The following PERP variants were observed in gnomAD, a reference collection of about 807,000 sequenced individuals.
PERP encodes the protein p53 apoptosis effector related to PMP22, also known as p53 apoptosis effector related to PMP-22.
In PERP, 11 loss-of-function variants were observed where a neutral mutation model predicts 20.3. The observed-to-expected ratio is 0.54, with a 90% CI of 0.34 to 0.90. The LOEUF is 0.90. Ranked by LOEUF, PERP falls within the 40% of genes least tolerant of loss-of-function variation. The pLI is 0.02. For synonymous variants in PERP, 101 were observed against 102.0 expected, an observed-to-expected ratio of 0.99 and a Z score of 0.06; for missense variants, 224 against 249.4, an observed-to-expected ratio of 0.90 and a Z score of 0.69.
At chr6:138,101,385 T>A (rs990067394) in intron 1 of PERP, among the ~76,000 whole-genome samples, 2 of 152,194 alleles carry the variant, frequency 1.3e-5, no homozygotes, top group Non-Finnish European at 2.9e-5. Flanking sequence ...AAAGTCAAGC[T>A]AGAAATGATA....
At chr6:138,106,502 T>C (rs1050514343) in intron 1 of PERP, among the ~76,000 whole-genome samples, 13 of 152,120 alleles carry the variant, frequency 8.5e-5, no homozygotes, top group African/African-American at 3.1e-4. Context: ...TCAAATCGGA[T>C]TAAAATAATT....
rs2114323070 is a variant in PERP at position 138,089,235 on chromosome 6, T to C, written c.*2807A>G. 6.6e-6 allele frequency: 1 copy of C among 151,440 alleles called. No individual in the cohort carries two copies. 9.4% of individuals were successfully genotyped at this position (151,440 alleles called of 1,614,324 possible). A position where few individuals can be genotyped will look rare whatever the true frequency, so the allele number is the denominator to read the frequency against. On this transcript the variant is annotated 3_prime_UTR_variant, in exon 3 of 3. Coordinates refer to ENST00000421351, the MANE Select transcript of PERP (RefSeq NM_022121.5). ...ATAAAAACAAGTCAGTGTTCACATT[T>C]ACTGTATTAATAGGAATGTCTTTCA...
In PERP at chr6:138,107,070, G is replaced by C. The variant is rs2114349161; in HGVS notation, c.214+57C>G. 1 of 1,524,658 alleles carries C rather than the reference G, an allele frequency of 6.6e-7. No individual in the cohort carries two copies. The highest frequency in any genetic ancestry group is 2.3e-5 in the East Asian group (1 of 43,810). The allele number at this position is 1,524,658 out of a possible 1,614,324, so 94.4% of individuals were successfully genotyped here. A position where few individuals can be genotyped will look rare whatever the true frequency, so the allele number is the denominator to read the frequency against. On this transcript the variant is annotated intron_variant, in intron 1 of 2. Coordinates refer to ENST00000421351, the MANE Select transcript of PERP (RefSeq NM_022121.5). This position sits in a 1 kb window ranked among gnomAD's most constrained non-coding sequence, Gnocchi z 4.8. ...CCCATCACGCGCGGCGGCTTTTGCA[G>C]GCCGCGGCCCCGAGGGCTTCCTGGA...
intron 2 of PERP, among the ~76,000 whole-genome samples, chr6:138,095,820 T>A (rs1007043897): frequency 1.4e-4 from 22 of 152,196 alleles, no homozygotes; most frequent in African/African-American, 5.3e-4. Context: ...TCACATCACC[T>A]GTGTCTGGAC....
intron 1 of PERP, among the ~76,000 whole-genome samples, chr6:138,103,374 A>G (rs1019510375): frequency 2.0e-5 from 3 of 151,808 alleles, no homozygotes; most frequent in Non-Finnish European, 1.5e-5. Flanking sequence ...CTGGTTTCAA[A>G]CTCCTGACCT....
In PERP at chr6:138,107,419, T is replaced by C. The variant is rs1464133895; in HGVS notation, c.-79A>G. 1 of 1,190,278 alleles carries C rather than the reference T, an allele frequency of 8.4e-7. No homozygotes were observed. Among genetic ancestry groups the C allele is most frequent in the Non-Finnish European group, 1.1e-6 (1 of 928,340 alleles). The allele number at this position is 1,190,278 out of a possible 1,614,324, so 73.7% of individuals were successfully genotyped here. On this transcript the variant is annotated 5_prime_UTR_variant, in exon 1 of 3. Coordinates refer to ENST00000421351, the MANE Select transcript of PERP (RefSeq NM_022121.5). This position sits in a 1 kb window ranked among gnomAD's most constrained non-coding sequence, Gnocchi z 4.8. The stretch of plus-strand genomic sequence containing the variant: ...GCGCGGGACGGGCGACAGCAGAGAG[T>C]GGCCTGCGAGCGCGGGCGCCGCCAC...
At chr6:138,101,024 G>C (rs1775763107) in intron 1 of PERP, among the ~76,000 whole-genome samples, 1 of 152,102 alleles carries the variant, frequency 6.6e-6, no homozygotes, top group Admixed American at 6.5e-5. Flanking sequence ...TACAAGGCTA[G>C]TAAGATCAAC....
At chr6:138,105,009 G>A (rs999704809) in intron 1 of PERP, among the ~76,000 whole-genome samples, 2 of 152,162 alleles carry the variant, frequency 1.3e-5, no homozygotes, top group African/African-American at 4.8e-5. Context: ...CGTATAATAA[G>A]CACTTAAACT....
Position 138,096,463 on chromosome 6 carries a change from G to C in PERP, c.246C>G (p.Phe82Leu). The C allele has an allele frequency of 3.1e-6, 5 of 1,613,654 alleles. No homozygotes were observed. The highest frequency in any genetic ancestry group is 4.2e-6 in the Non-Finnish European group (5 of 1,179,876). Residue 82 changes from phenylalanine to leucine, a missense_variant, in exon 2 of 3, where the codon TTC (phenylalanine) becomes TTG (leucine). Coordinates refer to ENST00000421351, the MANE Select transcript of PERP (RefSeq NM_022121.5). ...AWGRAAAAML[F>L]CGFIILVICF... is the part of the protein sequence containing the mutation. Reference sequence around the variant, plus strand: ...AGATCACCAGGATGATGAAGCCACAGAAGAGCATGGCAGCCGCTGCTCTAC... The same window carrying C: ...AGATCACCAGGATGATGAAGCCACACAAGAGCATGGCAGCCGCTGCTCTAC...
intron 1 of PERP, among the ~76,000 whole-genome samples, chr6:138,104,205 A>T (rs1775812933): frequency 6.6e-6 from 1 of 152,240 alleles, no homozygotes; most frequent in African/African-American, 2.4e-5. Flanking sequence ...CATGCATTTA[A>T]ATTTCACATT....
At chr6:138,095,761 T>C (rs931697524) in intron 2 of PERP, among the ~76,000 whole-genome samples, 3 of 152,154 alleles carry the variant, frequency 2.0e-5, no homozygotes, top group Non-Finnish European at 4.4e-5. Context: ...TTGTATTCCA[T>C]CAATAAATAT....
chr6:138,096,315 T>C (rs779000055), intron 2 of PERP, 39 bp downstream of exon 2: 99 of 1,610,012 alleles, frequency 6.1e-5, no homozygotes, highest in Non-Finnish European at 7.6e-5. Flanking sequence ...CGATGCCCAC[T>C]GAAGGCATAA....
At chr6:138,100,283 C>T (rs565641838) in intron 1 of PERP, among the ~76,000 whole-genome samples, 1 of 152,260 alleles carries the variant, frequency 6.6e-6, no homozygotes, top group East Asian at 1.9e-4. Context: ...GCTGTGGTCT[C>T]ACTTAGTTAC....
Position 138,107,127 on chromosome 6 carries a change from CG to C in PERP, c.213del (p.Tyr71Ter). On this transcript the variant is annotated frameshift_variant and splice_region_variant, in exon 1 of 3. Transcript: ENST00000421351. LOFTEE classifies it high-confidence loss of function. The surrounding 1 kb of genome is among the most constrained non-coding windows in gnomAD (Gnocchi z 4.8). ...GACGGCGGCGGCGGCGGGCACTCACCGTACTCCATGAGGCTCTGACAGCCCT... is the reference window on the plus strand; with the variant it reads ...GACGGCGGCGGCGGCGGGCACTCACCTACTCCATGAGGCTCTGACAGCCCT... ...YEEGCQSLME[Y>X]AWGRAAAAML... 6.2e-7 allele frequency: 1 copy of C among 1,601,768 alleles called. No homozygotes were observed. The highest frequency in any genetic ancestry group is 2.2e-5 in the East Asian group (1 of 44,534).
chr6:138,101,050 A>G (rs1775763495), intron 1 of PERP, among the ~76,000 whole-genome samples: 1 of 152,238 alleles, frequency 6.6e-6, no homozygotes, highest in South Asian at 2.1e-4. Context: ...AGAGCAAAAA[A>G]GTAAAAATAA....
At chr6:138,095,310 C>G (rs1173485730) in intron 2 of PERP, among the ~76,000 whole-genome samples, 2 of 152,118 alleles carry the variant, frequency 1.3e-5, no homozygotes, top group African/African-American at 4.8e-5. Context: ...TGAAGAAGGC[C>G]AGGACTGTGC....
chr6:138,091,904 C>T lies in PERP; in HGVS notation c.*138G>A. 1 of 676,986 alleles carries T rather than the reference C, an allele frequency of 1.5e-6. No individual in the cohort carries two copies. The highest frequency in any genetic ancestry group is 2.4e-6 in the Non-Finnish European group (1 of 410,092). The allele number at this position is 676,986 out of a possible 1,614,324, so 41.9% of individuals were successfully genotyped here. A position where few individuals can be genotyped will look rare whatever the true frequency, so the allele number is the denominator to read the frequency against. The stretch of plus-strand genomic sequence containing the variant: ...ACACTACTTAAAAAATATTTTCTCC[C>T]AAATTATTTTAGCATTTTTGACTAG... On this transcript the variant is annotated 3_prime_UTR_variant, in exon 3 of 3. Coordinates refer to ENST00000421351, the MANE Select transcript of PERP (RefSeq NM_022121.5).
Position 138,107,126 on chromosome 6 carries a change from C to G in PERP, c.214+1G>C. On this transcript the variant is annotated splice_donor_variant, in intron 1 of 2. Transcript: ENST00000421351. LOFTEE classifies it high-confidence loss of function. This position sits in a 1 kb window ranked among gnomAD's most constrained non-coding sequence, Gnocchi z 4.8. The stretch of plus-strand genomic sequence containing the variant: ...CGACGGCGGCGGCGGCGGGCACTCA[C>G]CGTACTCCATGAGGCTCTGACAGCC... 4.4e-6 allele frequency: 7 copies of G among 1,601,442 alleles called. No individual in the cohort carries two copies. Among genetic ancestry groups the G allele is most frequent in the Non-Finnish European group, 5.1e-6 (6 of 1,174,546 alleles).
intron 1 of PERP, among the ~76,000 whole-genome samples, chr6:138,100,865 G>A (rs562163622): frequency 1.1e-4 from 17 of 152,110 alleles, no homozygotes; most frequent in African/African-American, 4.1e-4. Context: ...CCTAGCCCTC[G>A]CAAAGATTCA....
Sources: gnomAD v4.1 joint callset for allele counts (sites outside exome capture counted in the v4.1 genomes callset) on GRCh38, gnomAD v4.1.1 for gene constraint, Gnocchi (gnomAD v3.1) non-coding constraint, MANE v1.5 for transcripts, NCBI Gene and HGNC (gene_info 2026-07-23, HGNC 2026-07-21) for gene names.